The following RBFOX1 variants were observed in gnomAD, a reference collection of about 807,000 sequenced individuals.
RBFOX1 encodes the protein RNA binding fox-1 homolog 1.
In RBFOX1, 8 loss-of-function variants were observed where a neutral mutation model predicts 57.7. The observed-to-expected ratio is 0.14, with a 90% CI of 0.08 to 0.25. RBFOX1 has a LOEUF of 0.25. Among genes scored for constraint, RBFOX1 ranks in the 10% least tolerant of loss-of-function variants. The pLI is 1.00. For missense variants in RBFOX1, 611 were observed against 548.5 expected (o/e 1.11, Z -1.14); for synonymous variants, 326 against 222.4 (o/e 1.47, Z -4.15).
Position 6,049,019 on chromosome 16 carries a change from A to G in RBFOX1, c.-127+29027A>G, listed in dbSNP as rs182456489. ...TCATTTTGATGATCATCCTTGTGCC[A>G]TTTTGACGATCGACCCCTTACATCT... On this transcript the variant is annotated intron_variant, in intron 1 of 15. Coordinates refer to ENST00000550418, the MANE Select transcript of RBFOX1 (RefSeq NM_018723.4). Among the ~76,000 whole-genome samples, 448 of 138,214 alleles carry G rather than the reference A, an allele frequency of 3.2e-3. 5 individuals carry two copies. The highest frequency in any genetic ancestry group is 0.013 in the Admixed American group (186 of 13,868). The allele number at this position is 138,214 out of a possible 152,430, so 90.7% of individuals were successfully genotyped here.
chr16:7,085,758 C>T (rs927636318), intron 4 of RBFOX1, among the ~76,000 whole-genome samples: 23 of 152,130 alleles, frequency 1.5e-4, no homozygotes, highest in Non-Finnish European at 7.4e-5. Flanking sequence ...GTTTTTTCTT[C>T]ACTGTAATGA....
intron 1 of RBFOX1, among the ~76,000 whole-genome samples, chr16:5,406,478 G>C (rs1359934163): frequency 6.6e-6 from 1 of 152,106 alleles, no homozygotes; most frequent in Non-Finnish European, 1.5e-5. Flanking sequence ...TTTCCAGTTT[G>C]TGGATGACAG....
intron 4 of RBFOX1, among the ~76,000 whole-genome samples, chr16:6,004,038 C>T (rs901905905): frequency 3.0e-4 from 46 of 152,112 alleles, no homozygotes; most frequent in African/African-American, 9.7e-4. Context: ...TCATGTTGCA[C>T]GGTGATTAAG....
intron 3 of RBFOX1, among the ~76,000 whole-genome samples, chr16:5,617,169 G>T (rs2048054881): frequency 6.6e-6 from 1 of 151,472 alleles, no homozygotes; most frequent in African/African-American, 2.4e-5. Flanking sequence ...TTTAACAAAT[G>T]CATTTTGAGG....
intron 2 of RBFOX1, among the ~76,000 whole-genome samples, chr16:6,589,132 C>T (rs912127148): frequency 2.0e-5 from 3 of 152,130 alleles, no homozygotes; most frequent in Admixed American, 2.0e-4. Context: ...TGGCTGTACC[C>T]ACTTTAGTAG....
intron 14 of RBFOX1, among the ~76,000 whole-genome samples, chr16:7,704,931 C>A (rs542448361): frequency 6.6e-6 from 1 of 151,896 alleles, no homozygotes; most frequent in Non-Finnish European, 1.5e-5. Flanking sequence ...CCTGTAATCC[C>A]AGCAACTGGG....
At chr16:7,527,532 A>AT (rs2078976047) in intron 5 of RBFOX1, among the ~76,000 whole-genome samples, 1 of 152,138 alleles carries the variant, frequency 6.6e-6, no homozygotes, top group African/African-American at 2.4e-5. Context: ...GTGAAAAAAA[A>AT]TGGCGTTGGT....
intron 3 of RBFOX1, among the ~76,000 whole-genome samples, chr16:5,817,338 A>T (rs1375371487): frequency 6.6e-6 from 1 of 152,194 alleles, no homozygotes; most frequent in East Asian, 1.9e-4. Flanking sequence ...GAGCTTGCTG[A>T]CAAGCAGGTA....
intron 1 of RBFOX1, chr16:5,260,587 T>C (rs1358424126): frequency 1.3e-5 from 2 of 152,210 alleles, no homozygotes; most frequent in Non-Finnish European, 2.9e-5. Context: ...TATTAAGATG[T>C]TTTATATATA....
chr16:6,461,623 CA>C (rs1372211019), intron 2 of RBFOX1, among the ~76,000 whole-genome samples: 9 of 152,072 alleles, frequency 5.9e-5, no homozygotes, highest in Non-Finnish European at 1.2e-4. Flanking sequence ...CTTTTTTGTT[CA>C]AACTAAGAAT....
chr16:5,708,070 T>C (rs531281160), intron 3 of RBFOX1, among the ~76,000 whole-genome samples: 5 of 152,238 alleles, frequency 3.3e-5, no homozygotes, highest in Non-Finnish European at 7.4e-5. Flanking sequence ...CTAGTTGCTG[T>C]CCATACCAAA....
At chr16:7,085,122 T>G (rs1599040261) in intron 4 of RBFOX1, among the ~76,000 whole-genome samples, 2 of 152,208 alleles carry the variant, frequency 1.3e-5, no homozygotes, top group East Asian at 3.8e-4. Flanking sequence ...TGTTTGTGTG[T>G]GTACTTACAT....
chr16:5,733,163 G>C (rs2151567265), intron 3 of RBFOX1, among the ~76,000 whole-genome samples: 1 of 152,308 alleles, frequency 6.6e-6, no homozygotes, highest in African/African-American at 2.4e-5. Flanking sequence ...TACTGTTGTA[G>C]TTGCTGAGCC....
chr16:6,548,843 A>C (rs2096931197), intron 2 of RBFOX1, among the ~76,000 whole-genome samples: 2 of 151,928 alleles, frequency 1.3e-5, no homozygotes, highest in African/African-American at 4.8e-5. Flanking sequence ...TGGGAGGCCA[A>C]GGTGTGTGGA....
intron 3 of RBFOX1, among the ~76,000 whole-genome samples, chr16:6,847,647 C>G (rs1377689740): frequency 1.3e-5 from 2 of 152,056 alleles, no homozygotes; most frequent in East Asian, 3.9e-4. Context: ...GCCAGTAATT[C>G]AGTCGACCAC....
intron 4 of RBFOX1, among the ~76,000 whole-genome samples, chr16:7,200,700 T>C (rs1204161450): frequency 2.0e-5 from 3 of 152,192 alleles, no homozygotes; most frequent in Non-Finnish European, 2.9e-5. Flanking sequence ...AGGATAATAA[T>C]GCTGTGTTCC....
chr16:6,418,745 C>A (rs796082559), intron 2 of RBFOX1, among the ~76,000 whole-genome samples: 16 of 152,120 alleles, frequency 1.1e-4, no homozygotes, highest in African/African-American at 3.9e-4. Context: ...CCAGGCTGGT[C>A]TTGAACTCCT....
At chr16:7,302,038 TA>T (rs2096047436) in intron 4 of RBFOX1, among the ~76,000 whole-genome samples, 1 of 152,184 alleles carries the variant, frequency 6.6e-6, no homozygotes, top group South Asian at 2.1e-4. Flanking sequence ...TTTTTCAAAC[TA>T]ACCACTGCCA....
At chr16:6,359,102 G>A (rs1457353509) in intron 2 of RBFOX1, among the ~76,000 whole-genome samples, 2 of 142,754 alleles carry the variant, frequency 1.4e-5, no homozygotes, top group African/African-American at 2.6e-5. Flanking sequence ...TTGTTTGTTT[G>A]TTTGTTTTGA....
Sources: allele counts gnomAD v4.1 joint callset (sites outside exome capture counted in the v4.1 genomes callset), GRCh38; gene constraint gnomAD v4.1.1; transcripts MANE v1.5; gene names NCBI Gene and HGNC (gene_info 2026-07-23, HGNC 2026-07-21).